NUCB2: variants seen among roughly 807,000 people sequenced by gnomAD.
The protein encoded by NUCB2 is nucleobindin-2.
In NUCB2, 48 loss-of-function variants were observed where a neutral mutation model predicts 57.9. The observed-to-expected ratio is 0.83, with a 90% confidence interval of 0.66 to 1.05. NUCB2 has a LOEUF of 1.05. Among genes scored for constraint, NUCB2 ranks in the 50% least tolerant of loss-of-function variants. The pLI is 0.00. For missense variants in NUCB2, 442 were observed against 476.2 expected (o/e 0.93, Z 0.67); for synonymous variants, 139 against 152.1 (o/e 0.91, Z 0.64).
At chr11:17,321,327 C>G (rs1028036262) in intron 11 of NUCB2, among the ~76,000 whole-genome samples, 2 of 151,890 alleles carry the variant, frequency 1.3e-5, no homozygotes, top group African/African-American at 4.8e-5. Context: ...TTTTTAGATC[C>G]CACAGATAAG....
chr11:17,332,031 A>G lies in NUCB2; in HGVS notation c.*612A>G, dbSNP rs1488794501. The stretch of plus-strand genomic sequence containing the variant: ...ATACTTTATCATTTAAGATTAGGTT[A>G]TGTTACATATAACAGAAAAAACAAA... On this transcript the variant is annotated 3_prime_UTR_variant, in exon 14 of 14. Transcript: ENST00000529010. The G allele has an allele frequency of 1.3e-5, 2 of 152,176 alleles. No homozygotes were observed. Among genetic ancestry groups the G allele is most frequent in the African/African-American group, 4.8e-5 (2 of 41,452 alleles). 9.4% of individuals were successfully genotyped at this position (152,176 alleles called of 1,614,324 possible). A position where few individuals can be genotyped will look rare whatever the true frequency, so the allele number is the denominator to read the frequency against.
chr11:17,297,822 G>A (rs1292557570), intron 4 of NUCB2, among the ~76,000 whole-genome samples: 1 of 152,122 alleles, frequency 6.6e-6, no homozygotes. Flanking sequence ...GGTGGCTCAC[G>A]CCTGTAATCT....
At chr11:17,279,079 A>G (rs1044680561) in intron 1 of NUCB2, among the ~76,000 whole-genome samples, 1 of 152,006 alleles carries the variant, frequency 6.6e-6, no homozygotes, top group Non-Finnish European at 1.5e-5. Flanking sequence ...TGTAATCTCA[A>G]CTACTCAGGA....
intron 4 of NUCB2, among the ~76,000 whole-genome samples, chr11:17,301,264 C>T (rs1174219782): frequency 2.8e-5 from 4 of 140,560 alleles, no homozygotes; most frequent in Non-Finnish European, 6.1e-5. Context: ...TGAGCCACCG[C>T]GCCTGGCCTT....
chr11:17,332,040 A>G lies in NUCB2; in HGVS notation c.*621A>G, dbSNP rs1465848638. 1.4e-4 allele frequency: 21 copies of G among 152,116 alleles called. No homozygotes were observed. Among genetic ancestry groups the G allele is most frequent in the Admixed American group, 1.4e-3 (21 of 15,282 alleles). The allele number at this position is 152,116 out of a possible 1,614,324, so 9.4% of individuals were successfully genotyped here. Reference sequence around the variant, plus strand: ...CATTTAAGATTAGGTTATGTTACATATAACAGAAAAAACAAAGATAACAGT... The same window carrying G: ...CATTTAAGATTAGGTTATGTTACATGTAACAGAAAAAACAAAGATAACAGT... On this transcript the variant is annotated 3_prime_UTR_variant, in exon 14 of 14. Transcript: ENST00000529010.
chr11:17,318,549 T>G (rs1265711007), intron 11 of NUCB2, among the ~76,000 whole-genome samples: 1 of 152,088 alleles, frequency 6.6e-6, no homozygotes, highest in Admixed American at 6.6e-5. Context: ...AGATTCTCAA[T>G]GTAGCATTAC....
chr11:17,323,350 T>C (rs185114942), intron 11 of NUCB2, among the ~76,000 whole-genome samples: 1 of 152,246 alleles, frequency 6.6e-6, no homozygotes, highest in African/African-American at 2.4e-5. Flanking sequence ...ATGGTTTTTG[T>C]TTTTCATTCT....
rs1269007475 is a variant in NUCB2 at position 17,301,479 on chromosome 11, C to T, written c.253-265C>T. Among the ~76,000 whole-genome samples, 3 of 151,042 alleles carry T rather than the reference C, an allele frequency of 2.0e-5. No individual in the cohort carries two copies. The Admixed American group carries it at 2.0e-4, about 10-fold the overall frequency. On this transcript the variant is annotated intron_variant, in intron 4 of 13. Coordinates refer to ENST00000529010, the MANE Select transcript of NUCB2 (RefSeq NM_005013.4). Reference sequence around the variant, plus strand: ...ATTTTTAGTAGAGACGGTATTTCGCCAGGTTGGCCAGGCTGGTCTCGAGCT... The same window carrying T: ...ATTTTTAGTAGAGACGGTATTTCGCTAGGTTGGCCAGGCTGGTCTCGAGCT...
intron 2 of NUCB2, among the ~76,000 whole-genome samples, chr11:17,349,171 G>A (rs919391074): frequency 3.3e-5 from 5 of 152,182 alleles, no homozygotes; most frequent in African/African-American, 1.2e-4. Flanking sequence ...ATACACAGGT[G>A]TTAGCTTTTC....
intron 4 of NUCB2, 72 bp from the exon 5 acceptor site, chr11:17,301,672 G>A (rs1946780100): frequency 8.9e-7 from 1 of 1,120,512 alleles, no homozygotes; most frequent in South Asian, 1.3e-5. Flanking sequence ...TTGTAACCCT[G>A]TTTTTAAGCT....
intron 10 of NUCB2, among the ~76,000 whole-genome samples, chr11:17,314,162 G>T (rs1415743971): frequency 6.6e-6 from 1 of 151,868 alleles, no homozygotes; most frequent in Non-Finnish European, 1.5e-5. Context: ...AGTTCTGTCT[G>T]ATCTATCTTT....
chr11:17,282,005 T>G (rs964441479), intron 1 of NUCB2, among the ~76,000 whole-genome samples: 9 of 151,772 alleles, frequency 5.9e-5, no homozygotes, highest in African/African-American at 2.2e-4. Flanking sequence ...TGTGACAAAC[T>G]AGGAACAAAG....
At chr11:17,323,006 T>C (rs1166794929) in intron 11 of NUCB2, among the ~76,000 whole-genome samples, 2 of 151,446 alleles carry the variant, frequency 1.3e-5, no homozygotes, top group East Asian at 3.9e-4. Context: ...TTCCCAAATA[T>C]AAGATTATAT....
At chr11:17,293,078 AC>A in intron 2 of NUCB2, among the ~76,000 whole-genome samples, 1 of 151,886 alleles carries the variant, frequency 6.6e-6, no homozygotes, top group Non-Finnish European at 1.5e-5. Flanking sequence ...ACATGGTGAA[AC>A]CCCAGCTCTA....
chr11:17,319,551 A>G (rs542825819), intron 11 of NUCB2, among the ~76,000 whole-genome samples: 13 of 152,356 alleles, frequency 8.5e-5, no homozygotes, highest in African/African-American at 3.1e-4. Context: ...AAGAATATGT[A>G]TATAATATGG....
intron 5 of NUCB2, among the ~76,000 whole-genome samples, chr11:17,303,799 C>T (rs1218338850): frequency 6.6e-6 from 1 of 151,186 alleles, no homozygotes; most frequent in Non-Finnish European, 1.5e-5. Flanking sequence ...GCAGGAGAAT[C>T]GCTTGAGCCC....
intron 1 of NUCB2, among the ~76,000 whole-genome samples, chr11:17,282,064 G>A (rs1000749213): frequency 2.6e-5 from 4 of 151,204 alleles, no homozygotes; most frequent in Non-Finnish European, 4.4e-5. Flanking sequence ...TCCAGTTAAG[G>A]ATTTAACAGG....
chr11:17,300,967 C>CTTT (rs71047541), intron 4 of NUCB2, among the ~76,000 whole-genome samples: 2,111 of 84,298 alleles, frequency 0.025, 17 homozygotes, highest in Non-Finnish European at 0.035. Context: ...TAAAGCTAAT[C>CTTT]TTTTTTTTTT....
At chr11:17,301,272 CTT>C (rs397848120) in intron 4 of NUCB2, among the ~76,000 whole-genome samples, 11 of 73,272 alleles carry the variant, frequency 1.5e-4, no homozygotes, top group East Asian at 3.8e-4. Context: ...CGCGCCTGGC[CTT>C]TTTTTTTTTT....
Sources: allele counts gnomAD v4.1 joint callset (sites outside exome capture counted in the v4.1 genomes callset), GRCh38; gene constraint gnomAD v4.1.1; transcripts MANE v1.5; gene names NCBI Gene and HGNC (gene_info 2026-07-23, HGNC 2026-07-21).